MAMLD1: variants seen among roughly 807,000 people sequenced by gnomAD.
MAMLD1 encodes mastermind like domain containing 1, also known as mastermind-like domain-containing protein 1.
In MAMLD1, 14 loss-of-function variants were observed where a neutral mutation model predicts 45.0. That is an observed-to-expected ratio of 0.31 (90% CI 0.21 to 0.49). MAMLD1 has a LOEUF of 0.49. Ranked by LOEUF, MAMLD1 falls within the 20% of genes least tolerant of loss-of-function variation. The pLI is 0.99. For synonymous variants in MAMLD1, 254 were observed against 247.8 expected, an observed-to-expected ratio of 1.02 and a Z score of -0.24; for missense variants, 543 against 603.6, an observed-to-expected ratio of 0.90 and a Z score of 1.05.
rs782751462 is a variant in MAMLD1, at chrX:150,512,699, T to G, written c.*740T>G. ...GTTCCTCCAGCAGGGTATGGCCAGC[T>G]TTAGTCCCCTGAGCCCCATACAGGG... is the stretch of plus-strand genomic sequence containing the variant. On this transcript the variant is annotated 3_prime_UTR_variant, in exon 8 of 8. Coordinates refer to ENST00000370401, the MANE Select transcript of MAMLD1 (RefSeq NM_005491.5). 1.2e-4 allele frequency: 138 copies of G among 1,151,273 alleles called. No homozygotes were observed. The African/African-American group carries it at 2.2e-3, about 19-fold the overall frequency. 94.9% of individuals were successfully genotyped at this position (1,151,273 alleles called of 1,213,427 possible).
rs782429170 is a variant in MAMLD1 at position 150,512,159 on chromosome X, G to T, written c.*200G>T. The T allele has an allele frequency of 8.7e-7, 1 of 1,149,377 alleles. No individual in the cohort carries two copies. Among genetic ancestry groups the T allele is most frequent in the Non-Finnish European group, 1.2e-6 (1 of 869,192 alleles). The allele number at this position is 1,149,377 out of a possible 1,213,427, so 94.7% of individuals were successfully genotyped here. On this transcript the variant is annotated 3_prime_UTR_variant, in exon 8 of 8. Coordinates refer to ENST00000370401, the MANE Select transcript of MAMLD1 (RefSeq NM_005491.5). Reference sequence around the variant, plus strand: ...GCACCAGAGCTGCGAGGGCATGGGAGTGATCTCACCAACTCTGGGGAAGCG... The same window carrying T: ...GCACCAGAGCTGCGAGGGCATGGGATTGATCTCACCAACTCTGGGGAAGCG...
Position 150,512,904 on chromosome X carries a change from A to G in MAMLD1, c.*945A>G, listed in dbSNP as rs1022428425. ...GATCTGATTTCGTCACCTGACTGCAATGAGGTAGATTTCATTGAAGCTCTC... is the reference window on the plus strand; with the variant it reads ...GATCTGATTTCGTCACCTGACTGCAGTGAGGTAGATTTCATTGAAGCTCTC... On this transcript the variant is annotated 3_prime_UTR_variant, in exon 8 of 8. Coordinates refer to ENST00000370401, the MANE Select transcript of MAMLD1 (RefSeq NM_005491.5). The G allele has an allele frequency of 6.9e-6, 8 of 1,153,773 alleles. No individual in the cohort carries two copies. Among genetic ancestry groups the G allele is most frequent in the Middle Eastern group, 2.3e-4 (1 of 4,324 alleles).
chrX:150,380,799 G>A (rs373992661), intron 1 of MAMLD1, among the ~76,000 whole-genome samples: 9 of 110,079 alleles, frequency 8.2e-5, no homozygotes, highest in South Asian at 4.0e-4. Context: ...CACCCAGTCC[G>A]GAGTGCAGTG....
chrX:150,363,806 C>A (rs1191475047), intron 1 of MAMLD1, among the ~76,000 whole-genome samples: 1 of 112,353 alleles, frequency 8.9e-6, no homozygotes, highest in African/African-American at 3.2e-5. Context: ...CCGGCGGGGA[C>A]AGCCACGTAC....
chrX:150,425,895 G>T (rs1368809378), intron 1 of MAMLD1, among the ~76,000 whole-genome samples: 2 of 112,175 alleles, frequency 1.8e-5, no homozygotes, highest in Non-Finnish European at 1.9e-5. Flanking sequence ...CAAGCCCAGT[G>T]TCTGGATCAT....
At chrX:150,468,180 G>T (rs2036283676) in intron 3 of MAMLD1, among the ~76,000 whole-genome samples, 1 of 111,947 alleles carries the variant, frequency 8.9e-6, no homozygotes, top group Non-Finnish European at 1.9e-5. Flanking sequence ...GCCCAGGAAT[G>T]TGGATGTTTC....
chrX:150,481,818 A>G (rs2036766507), intron 5 of MAMLD1, among the ~76,000 whole-genome samples: 1 of 104,658 alleles, frequency 9.6e-6, no homozygotes, highest in Admixed American at 1.1e-4. Context: ...TGACATAGAG[A>G]GACCCCATCT....
At position 150,453,282 on chromosome X, in the gene MAMLD1, A is replaced by G. The variant is rs782465761; in HGVS notation, c.96+7670A>G. ...CACACAGTCACGCCCAGTCATTAAC[A>G]TATTGTCTACTACACAGAGCTTCAA... is the stretch of plus-strand genomic sequence containing the variant. On this transcript the variant is annotated intron_variant, in intron 2 of 7. Coordinates refer to ENST00000370401, the MANE Select transcript of MAMLD1 (RefSeq NM_005491.5). Among the ~76,000 whole-genome samples, 31 of 112,323 alleles carry G rather than the reference A, an allele frequency of 2.8e-4. No homozygotes were observed. The East Asian group carries it at 8.2e-3, about 30-fold the overall frequency.
intron 2 of MAMLD1, among the ~76,000 whole-genome samples, chrX:150,451,883 C>T (rs138458626): frequency 0.02 from 2,231 of 111,208 alleles, 67 homozygotes; most frequent in African/African-American, 0.07. Flanking sequence ...TGCTCCGGGC[C>T]CCCTCAGCAC....
chrX:150,490,625 C>G (rs2037154108), intron 5 of MAMLD1, among the ~76,000 whole-genome samples: 1 of 111,798 alleles, frequency 8.9e-6, no homozygotes, highest in Non-Finnish European at 1.9e-5. Context: ...CTATGAATCA[C>G]TATTTCTTAA....
intron 5 of MAMLD1, among the ~76,000 whole-genome samples, chrX:150,494,815 T>C (rs1364694467): frequency 9.1e-6 from 1 of 109,888 alleles, no homozygotes; most frequent in Non-Finnish European, 1.9e-5. Flanking sequence ...GCCAGGGAGG[T>C]GGAGGTTTCA....
Position 150,513,083 on chromosome X carries a change from G to A in MAMLD1, c.*1124G>A. The A allele has an allele frequency of 1.8e-6, 2 of 1,137,770 alleles. No individual in the cohort carries two copies. Among genetic ancestry groups the A allele is most frequent in the Non-Finnish European group, 1.2e-6 (1 of 860,316 alleles). 93.8% of individuals were successfully genotyped at this position (1,137,770 alleles called of 1,213,427 possible). On this transcript the variant is annotated 3_prime_UTR_variant, in exon 8 of 8. Transcript: ENST00000370401. ...TGCTGGGGCACTTTAAATCTGAGCA[G>A]GATGCCCATAGAAACCCCCATGGTG...
intron 6 of MAMLD1, among the ~76,000 whole-genome samples, chrX:150,506,290 C>A (rs1474984749): frequency 9.4e-6 from 1 of 106,909 alleles, no homozygotes; most frequent in African/African-American, 3.4e-5. Flanking sequence ...GTCCTCCCTT[C>A]CCCTTCTCCC....
At chrX:150,435,154 A>G (rs782581706) in intron 1 of MAMLD1, among the ~76,000 whole-genome samples, 27 of 111,623 alleles carry the variant, frequency 2.4e-4, no homozygotes, top group Non-Finnish European at 4.3e-4. Flanking sequence ...GGCCTTTACC[A>G]TTATATAATG....
At chrX:150,455,755 A>C (rs1163121359) in intron 2 of MAMLD1, among the ~76,000 whole-genome samples, 1 of 93,912 alleles carries the variant, frequency 1.1e-5, no homozygotes, top group African/African-American at 4.1e-5. Flanking sequence ...TTTGTTGTGC[A>C]GAAGGTTTTC....
chrX:150,371,723 G>A (rs1028078853), intron 1 of MAMLD1, among the ~76,000 whole-genome samples: 15 of 111,796 alleles, frequency 1.3e-4, no homozygotes, highest in South Asian at 7.5e-4. Flanking sequence ...TCTCAGCTTC[G>A]GCAGCGTGCT....
At chrX:150,409,279 C>T (rs150284573) in intron 1 of MAMLD1, among the ~76,000 whole-genome samples, 1 of 111,681 alleles carries the variant, frequency 9.0e-6, no homozygotes, top group African/African-American at 3.3e-5. Flanking sequence ...GTGCTCCATG[C>T]GCCAGTTCAT....
chrX:150,408,116 C>CACAACAAGAGTATTT (rs1468633378), intron 1 of MAMLD1, among the ~76,000 whole-genome samples: 2 of 110,683 alleles, frequency 1.8e-5, no homozygotes, highest in East Asian at 5.7e-4. Context: ...AGAAATCGGC[C>CACAACAAGAGTATTT]ACAACAAGAG....
chrX:150,397,177 T>C (rs1175457420), intron 1 of MAMLD1, among the ~76,000 whole-genome samples: 2 of 112,206 alleles, frequency 1.8e-5, no homozygotes, highest in Non-Finnish European at 3.8e-5. Context: ...AAGTGACCTA[T>C]AGTATGTTTT....
Sources: gnomAD v4.1 joint callset for allele counts (sites outside exome capture counted in the v4.1 genomes callset) on GRCh38, gnomAD v4.1.1 for gene constraint, MANE v1.5 for transcripts, NCBI Gene and HGNC (gene_info 2026-07-23, HGNC 2026-07-21) for gene names.